Variants in LHFPL2 observed in about 807,000 individuals in gnomAD.
LHFPL2 encodes the protein LHFPL tetraspan subfamily member 2, also known as LHFPL tetraspan subfamily member 2 protein.
Under a neutral mutation model 17.5 loss-of-function variants are expected in LHFPL2, and 7 were observed. The ratio of observed to expected loss-of-function variants is 0.40; its 90% CI spans 0.23 to 0.75. LHFPL2 has a LOEUF of 0.75. Ranked by LOEUF, LHFPL2 falls within the 30% of genes least tolerant of loss-of-function variation. LHFPL2 has a pLI of 0.37. For synonymous variants in LHFPL2, 134 were observed against 116.2 expected, an observed-to-expected ratio of 1.15 and a Z score of -0.99; for missense variants, 241 against 294.8, an observed-to-expected ratio of 0.82 and a Z score of 1.34.
At chr5:78,580,968 C>T (rs180914518) in intron 2 of LHFPL2, among the ~76,000 whole-genome samples, 1 of 152,320 alleles carries the variant, frequency 6.6e-6, no homozygotes, top group African/African-American at 2.4e-5. Context: ...ATTGATTCTT[C>T]CTACCCGTGA....
At chr5:78,498,192 G>A (rs892350677) in intron 4 of LHFPL2, among the ~76,000 whole-genome samples, 1 of 152,238 alleles carries the variant, frequency 6.6e-6, no homozygotes, top group Non-Finnish European at 1.5e-5. Context: ...ACTATGGGCA[G>A]AGGATGCAGA....
intron 4 of LHFPL2, among the ~76,000 whole-genome samples, chr5:78,504,932 G>A (rs2112312388): frequency 6.6e-6 from 1 of 152,342 alleles, no homozygotes; most frequent in South Asian, 2.1e-4. Flanking sequence ...AGTAGAGTGT[G>A]AGAGCCAGCC....
At chr5:78,613,983 T>A (rs1475061899) in intron 2 of LHFPL2, among the ~76,000 whole-genome samples, 1 of 152,210 alleles carries the variant, frequency 6.6e-6, no homozygotes, top group East Asian at 1.9e-4. Context: ...TAGGACACCC[T>A]AAGCAAATGC....
At chr5:78,563,410 T>C (rs1286688562) in intron 3 of LHFPL2, among the ~76,000 whole-genome samples, 13 of 152,096 alleles carry the variant, frequency 8.5e-5, no homozygotes, top group Admixed American at 5.2e-4. Context: ...AGATTATCAG[T>C]TTGGGCCGAC....
intron 2 of LHFPL2, among the ~76,000 whole-genome samples, chr5:78,593,119 C>T (rs1743700957): frequency 6.6e-6 from 1 of 152,140 alleles, no homozygotes; most frequent in African/African-American, 2.4e-5. Flanking sequence ...CACTACACAG[C>T]AGTTCCAGGA....
intron 4 of LHFPL2, chr5:78,494,643 A>G (rs994853363): frequency 2.2e-4 from 78 of 358,506 alleles, no homozygotes; most frequent in African/African-American, 1.7e-3. Context: ...TGGTCATGGT[A>G]TTGTATTGGG....
At chr5:78,537,247 A>C (rs1271576604) in intron 3 of LHFPL2, among the ~76,000 whole-genome samples, 1 of 152,168 alleles carries the variant, frequency 6.6e-6, no homozygotes, top group African/African-American at 2.4e-5. Context: ...TGCCATAGCA[A>C]CATCACTCTG....
chr5:78,554,589 G>GCC (rs1756525213), intron 3 of LHFPL2, among the ~76,000 whole-genome samples: 1 of 152,212 alleles, frequency 6.6e-6, no homozygotes, highest in Non-Finnish European at 1.5e-5. Flanking sequence ...CCTAAGAAAA[G>GCC]TACCAGACTA....
intron 2 of LHFPL2, among the ~76,000 whole-genome samples, chr5:78,607,213 A>G (rs1744248413): frequency 1.3e-5 from 2 of 152,084 alleles, no homozygotes; most frequent in African/African-American, 4.8e-5. Context: ...CCCAGGTTCA[A>G]GCAATTCTCC....
In LHFPL2 at chr5:78,509,974, C is replaced by A. The variant is rs749162272; in HGVS notation, c.240G>T (p.Thr80=). 10 of 1,613,788 alleles carry A rather than the reference C, an allele frequency of 6.2e-6. No homozygotes were observed. Among genetic ancestry groups the A allele is most frequent in the Non-Finnish European group, 8.5e-6 (10 of 1,179,964 alleles). ...NPGVQHFQRD[T]LCGPYAESFG... ...AGCTCTCGGCGTAGGGCCCGCACAG[C>A]GTGTCCCGCTGGAAGTGCTGCACCC... is the stretch of plus-strand genomic sequence containing the variant. Residue 80 remains threonine, a synonymous_variant, in exon 4 of 5, where the codon ACG becomes ACT. Coordinates refer to ENST00000380345, the MANE Select transcript of LHFPL2 (RefSeq NM_005779.3).
intron 2 of LHFPL2, among the ~76,000 whole-genome samples, chr5:78,628,061 T>C (rs1165663379): frequency 6.6e-6 from 1 of 152,142 alleles, no homozygotes; most frequent in Non-Finnish European, 1.5e-5. Context: ...CTGACCACAG[T>C]GCCCTGAAGG....
intron 2 of LHFPL2, among the ~76,000 whole-genome samples, chr5:78,565,782 T>G (rs999792291): frequency 1.3e-5 from 2 of 152,192 alleles, no homozygotes; most frequent in African/African-American, 2.4e-5. Flanking sequence ...TTTCCTCCTA[T>G]CAGATAATCT....
chr5:78,597,537 T>C lies in LHFPL2; in HGVS notation c.-244-32666A>G, dbSNP rs140605312. Reference sequence around the variant, plus strand: ...TGACGTAAGAGTTTGTGTGGGAGAGTGGTGAACTGACGTAGCAGATTATGG... The same window carrying C: ...TGACGTAAGAGTTTGTGTGGGAGAGCGGTGAACTGACGTAGCAGATTATGG... On this transcript the variant is annotated intron_variant, in intron 2 of 4. Transcript: ENST00000380345. 2.5e-3 allele frequency among the ~76,000 whole-genome samples: 384 copies of C among 151,622 alleles called. 1 individual carries two copies. Among genetic ancestry groups the C allele is most frequent in the Non-Finnish European group, 4.6e-3 (309 of 67,884 alleles).
chr5:78,646,386 C>T (rs1745879721), intron 1 of LHFPL2, among the ~76,000 whole-genome samples: 1 of 152,230 alleles, frequency 6.6e-6, no homozygotes, highest in South Asian at 2.1e-4. Context: ...ACCTGATAAT[C>T]ATCAGTAACA....
rs1756340191 is a variant in LHFPL2, at chr5:78,548,161, T to C, written c.-186+16652A>G. Among the ~76,000 whole-genome samples, 4 of 152,256 alleles carry C rather than the reference T, an allele frequency of 2.6e-5. No homozygotes were observed. The South Asian group carries it at 8.3e-4, about 31-fold the overall frequency. On this transcript the variant is annotated intron_variant, in intron 3 of 4. Transcript: ENST00000380345. ...CACTCTGGCCAGCACGGCTGTAGCATGACTGTCACGATCCTTGGCTCTGAG... is the reference window on the plus strand; with the variant it reads ...CACTCTGGCCAGCACGGCTGTAGCACGACTGTCACGATCCTTGGCTCTGAG...
At chr5:78,528,961 C>T (rs576613585) in intron 3 of LHFPL2, among the ~76,000 whole-genome samples, 1 of 152,160 alleles carries the variant, frequency 6.6e-6, no homozygotes, top group African/African-American at 2.4e-5. Flanking sequence ...TTGGCAGAGC[C>T]CTGTCAAAGG....
At chr5:78,636,529 A>G (rs1364355931) in intron 1 of LHFPL2, among the ~76,000 whole-genome samples, 5 of 152,140 alleles carry the variant, frequency 3.3e-5, no homozygotes, top group African/African-American at 1.2e-4. Flanking sequence ...CAATTGTGGA[A>G]GGGCAAACTC....
intron 1 of LHFPL2, among the ~76,000 whole-genome samples, chr5:78,636,433 C>T (rs963386242): frequency 2.0e-5 from 3 of 152,210 alleles, no homozygotes; most frequent in Non-Finnish European, 4.4e-5. Context: ...CCATTTCCTA[C>T]TTCATTGGTT....
chr5:78,598,640 G>A (rs1395995397), intron 2 of LHFPL2, among the ~76,000 whole-genome samples: 2 of 152,260 alleles, frequency 1.3e-5, no homozygotes, highest in African/African-American at 2.4e-5. Context: ...GAAAGTTTGG[G>A]ATCTTCTGGG....
Sources: allele counts gnomAD v4.1 joint callset (sites outside exome capture counted in the v4.1 genomes callset), GRCh38; gene constraint gnomAD v4.1.1; transcripts MANE v1.5; gene names NCBI Gene and HGNC (gene_info 2026-07-23, HGNC 2026-07-21).